CFAP299: variants seen among roughly 807,000 people sequenced by gnomAD.
The protein encoded by CFAP299 is cilia- and flagella-associated protein 299.
CFAP299 carries 21 observed loss-of-function variants against 27.0 expected under a neutral mutation model. That is an observed-to-expected ratio of 0.78 (90% confidence interval 0.55 to 1.12). CFAP299 has a LOEUF of 1.12. Ranked by LOEUF, CFAP299 falls within the 50% of genes most tolerant of loss-of-function variation. The pLI is 0.00. For missense variants in CFAP299, 310 were observed against 276.6 expected (o/e 1.12, Z -0.86); for synonymous variants, 104 against 98.1 (o/e 1.06, Z -0.36).
intron 1 of CFAP299, among the ~76,000 whole-genome samples, chr4:80,361,149 C>A (rs890640418): frequency 2.6e-5 from 4 of 152,186 alleles, no homozygotes; most frequent in Non-Finnish European, 5.9e-5. Flanking sequence ...TATCGACTTT[C>A]AGTTTATTTT....
At chr4:80,661,618 G>C (rs985043856) in intron 3 of CFAP299, among the ~76,000 whole-genome samples, 1 of 151,870 alleles carries the variant, frequency 6.6e-6, no homozygotes, top group African/African-American at 2.4e-5. Flanking sequence ...GATGAATGTC[G>C]CCTCAGGACC....
At chr4:80,893,691 T>C (rs1734460753) in intron 4 of CFAP299, among the ~76,000 whole-genome samples, 1 of 150,894 alleles carries the variant, frequency 6.6e-6, no homozygotes, top group East Asian at 1.9e-4. Context: ...TGGACCCTTA[T>C]CTTGCAATGT....
At chr4:80,359,119 TTTTC>T (rs1453773138) in intron 1 of CFAP299, among the ~76,000 whole-genome samples, 7 of 152,180 alleles carry the variant, frequency 4.6e-5, no homozygotes, top group Admixed American at 1.3e-4. Context: ...TTGGATTTTC[TTTTC>T]TTTAAGAATG....
intron 3 of CFAP299, among the ~76,000 whole-genome samples, chr4:80,674,661 A>T (rs1719299022): frequency 6.6e-6 from 1 of 152,154 alleles, no homozygotes; most frequent in Non-Finnish European, 1.5e-5. Flanking sequence ...ACGTACACTG[A>T]TCAAACGAAG....
intron 2 of CFAP299, among the ~76,000 whole-genome samples, chr4:80,399,325 G>A (rs1276449540): frequency 2.6e-5 from 4 of 152,254 alleles, no homozygotes; most frequent in African/African-American, 9.6e-5. Context: ...ATTTGACCCA[G>A]CCATCCCATT....
chr4:80,427,806 A>G (rs947066340), intron 2 of CFAP299, among the ~76,000 whole-genome samples: 4 of 152,214 alleles, frequency 2.6e-5, no homozygotes, highest in African/African-American at 9.6e-5. Context: ...TTTTATTTCA[A>G]CTGCCTATAA....
chr4:80,489,648 C>G (rs143818736), intron 2 of CFAP299, among the ~76,000 whole-genome samples: 2 of 152,188 alleles, frequency 1.3e-5, no homozygotes, highest in African/African-American at 4.8e-5. Context: ...GAGTTCATTT[C>G]TCTGCCTCTG....
chr4:80,398,065 C>A (rs1456007455), intron 2 of CFAP299, among the ~76,000 whole-genome samples: 1 of 152,118 alleles, frequency 6.6e-6, no homozygotes, highest in Non-Finnish European at 1.5e-5. Flanking sequence ...AGAGCCAAAT[C>A]ATTTGTGAAC....
chr4:80,933,408 G>A (rs1386193572), intron 4 of CFAP299, among the ~76,000 whole-genome samples: 1 of 152,080 alleles, frequency 6.6e-6, no homozygotes, highest in Non-Finnish European at 1.5e-5. Flanking sequence ...TTGCCTTTCT[G>A]TCGGGCTTTT....
At chr4:80,766,096 A>C (rs558890532) in intron 3 of CFAP299, among the ~76,000 whole-genome samples, 1 of 152,282 alleles carries the variant, frequency 6.6e-6, no homozygotes, top group Admixed American at 6.5e-5. Context: ...ACTGCAGGAT[A>C]AATGAAAATA....
intron 3 of CFAP299, among the ~76,000 whole-genome samples, chr4:80,804,623 A>G (rs1728771755): frequency 6.6e-6 from 1 of 152,128 alleles, no homozygotes; most frequent in Non-Finnish European, 1.5e-5. Flanking sequence ...TGTTTTCGAT[A>G]TGTAATAACT....
chr4:80,558,207 C>T (rs1734867115), intron 2 of CFAP299, among the ~76,000 whole-genome samples: 1 of 151,996 alleles, frequency 6.6e-6, no homozygotes, highest in South Asian at 2.1e-4. Context: ...AGATGTAAAA[C>T]CTACTAAAAT....
At chr4:80,941,132 T>C (rs967607320) in intron 4 of CFAP299, among the ~76,000 whole-genome samples, 1 of 152,170 alleles carries the variant, frequency 6.6e-6, no homozygotes, top group South Asian at 2.1e-4. Context: ...CCTAATACAA[T>C]GTAAATGTTG....
chr4:80,807,799 A>G (rs1490077236), intron 3 of CFAP299, among the ~76,000 whole-genome samples: 1 of 152,128 alleles, frequency 6.6e-6, no homozygotes, highest in Non-Finnish European at 1.5e-5. Flanking sequence ...TTTACATGCT[A>G]AAGTATTTCT....
At position 80,497,457 on chromosome 4, in the gene CFAP299, C is replaced by T. The variant is rs369199353; in HGVS notation, c.243-85636C>T. Among the ~76,000 whole-genome samples the T allele has an allele frequency of 2.6e-5, 4 of 151,976 alleles. No homozygotes were observed. In the South Asian group the frequency reaches 6.2e-4, roughly 24 times the overall value. ...CAAAATAAAGTAAGTTCTCACTATT[C>T]TAAAGGTAACTTTTTATTAAAAAAC... On this transcript the variant is annotated intron_variant, in intron 2 of 5. Coordinates refer to ENST00000358105, the MANE Select transcript of CFAP299 (RefSeq NM_152770.3).
At chr4:80,961,959 T>C (rs1032064317) in intron 5 of CFAP299, among the ~76,000 whole-genome samples, 9 of 151,880 alleles carry the variant, frequency 5.9e-5, no homozygotes, top group East Asian at 3.9e-4. Flanking sequence ...ATATATCAAT[T>C]GTAAGAGTTC....
chr4:80,808,764 G>T (rs555831925), intron 3 of CFAP299, among the ~76,000 whole-genome samples: 2 of 152,082 alleles, frequency 1.3e-5, no homozygotes, highest in African/African-American at 4.8e-5. Flanking sequence ...TCTTTTGAGG[G>T]TCTCGATTCT....
chr4:80,470,111 C>A (rs1052756690), intron 2 of CFAP299, among the ~76,000 whole-genome samples: 9 of 152,006 alleles, frequency 5.9e-5, no homozygotes, highest in African/African-American at 2.2e-4. Context: ...TCTGTAGTAC[C>A]ACAGAGTAGT....
intron 3 of CFAP299, among the ~76,000 whole-genome samples, chr4:80,645,309 T>C (rs891350563): frequency 6.6e-6 from 1 of 152,170 alleles, no homozygotes; most frequent in Admixed American, 6.6e-5. Flanking sequence ...TTGAGAATCA[T>C]AGATTTTAGA....
Sources: allele counts gnomAD v4.1 joint callset (sites outside exome capture counted in the v4.1 genomes callset), GRCh38; gene constraint gnomAD v4.1.1; transcripts MANE v1.5; gene names NCBI Gene and HGNC (gene_info 2026-07-23, HGNC 2026-07-21).